Variants in NELL1 observed in about 807,000 individuals in gnomAD.
The protein encoded by NELL1 is protein kinase C-binding protein NELL1.
A neutral mutation model predicts 107.4 loss-of-function variants in NELL1; 76 were observed. The observed-to-expected ratio is 0.71, with a 90% CI of 0.59 to 0.86. The LOEUF (loss-of-function observed/expected upper bound fraction) is 0.86, where lower values mean the gene tolerates loss of function less well. Among genes scored for constraint, NELL1 ranks in the 40% least tolerant of loss-of-function variants. The pLI is 0.00. For synonymous variants in NELL1, 353 were observed against 341.2 expected, an observed-to-expected ratio of 1.03 and a Z score of -0.38; for missense variants, 1,024 against 1,005.5, an observed-to-expected ratio of 1.02 and a Z score of -0.25.
At chr11:21,514,359 T>C (rs747040691) in intron 15 of NELL1, among the ~76,000 whole-genome samples, 27 of 152,304 alleles carry the variant, frequency 1.8e-4, no homozygotes, top group Non-Finnish European at 3.4e-4. Flanking sequence ...ATGTTAGAGG[T>C]GTGCCAGCCA....
intron 12 of NELL1, among the ~76,000 whole-genome samples, chr11:21,031,297 G>C (rs1280829244): frequency 1.3e-5 from 2 of 152,090 alleles, no homozygotes; most frequent in South Asian, 2.1e-4. Context: ...TTAAATCCCT[G>C]ACTGTTCCCT....
chr11:21,156,745 C>T (rs1460764869), intron 13 of NELL1, among the ~76,000 whole-genome samples: 1 of 152,010 alleles, frequency 6.6e-6, no homozygotes, highest in African/African-American at 2.4e-5. Context: ...ACATTGAAAT[C>T]GTTTAGTATA....
At chr11:21,272,227 C>T (rs1848754591) in intron 14 of NELL1, among the ~76,000 whole-genome samples, 2 of 152,232 alleles carry the variant, frequency 1.3e-5, no homozygotes, top group South Asian at 4.1e-4. Flanking sequence ...TTCCAACAGT[C>T]TTAGCAAATG....
At chr11:21,002,228 A>G (rs1321656470) in intron 12 of NELL1, among the ~76,000 whole-genome samples, 1 of 152,204 alleles carries the variant, frequency 6.6e-6, no homozygotes, top group Non-Finnish European at 1.5e-5. Flanking sequence ...AGGAGAATCT[A>G]CATATCGAAG....
chr11:21,494,764 T>A (rs542177073), intron 15 of NELL1, among the ~76,000 whole-genome samples: 1 of 152,044 alleles, frequency 6.6e-6, no homozygotes, highest in African/African-American at 2.4e-5. Flanking sequence ...TTATACAGTA[T>A]TGTAAACAAA....
intron 15 of NELL1, among the ~76,000 whole-genome samples, chr11:21,429,728 G>C (rs1852920294): frequency 6.6e-6 from 1 of 152,108 alleles, no homozygotes; most frequent in South Asian, 2.1e-4. Context: ...ATATTTACAG[G>C]TTAAAAGAGG....
At chr11:20,863,059 T>C (rs1207942698) in intron 4 of NELL1, among the ~76,000 whole-genome samples, 2 of 152,318 alleles carry the variant, frequency 1.3e-5, no homozygotes, top group East Asian at 3.9e-4. Context: ...TTCCCCCTTT[T>C]CTATTTCACA....
In NELL1 at chr11:21,068,032, C is replaced by CAAAAAAAAA. The variant is rs1195285619; in HGVS notation, c.1301-45538_1301-45530dup. ...TGGGCAACAGAGTGAGATGCCATCT[C>CAAAAAAAAA]AAAAAAAAAAAAAAAAAAAAAAAAA... On this transcript the variant is annotated intron_variant, in intron 12 of 19. Transcript: ENST00000357134. Among the ~76,000 whole-genome samples the CAAAAAAAAA allele has an allele frequency of 4.3e-3, 175 of 40,372 alleles. 26 individuals are homozygous for CAAAAAAAAA. The highest frequency in any genetic ancestry group is 5.8e-3 in the African/African-American group (56 of 9,608). The allele number at this position is 40,372 out of a possible 152,430, so 26.5% of individuals were successfully genotyped here. A position where few individuals can be genotyped will look rare whatever the true frequency, so the allele number is the denominator to read the frequency against.
intron 14 of NELL1, among the ~76,000 whole-genome samples, chr11:21,346,799 C>T (rs1353648767): frequency 6.6e-6 from 1 of 151,816 alleles, no homozygotes; most frequent in Non-Finnish European, 1.5e-5. Context: ...TGCTAAAATG[C>T]CTTGCTCTCT....
At chr11:20,935,943 G>A (rs563346194) in intron 9 of NELL1, among the ~76,000 whole-genome samples, 1 of 152,166 alleles carries the variant, frequency 6.6e-6, no homozygotes, top group East Asian at 1.9e-4. Context: ...TTCACTGAGA[G>A]GAGAATACAG....
chr11:21,190,703 G>A (rs141618952), intron 13 of NELL1, among the ~76,000 whole-genome samples: 2 of 151,960 alleles, frequency 1.3e-5, no homozygotes, highest in East Asian at 3.9e-4. Flanking sequence ...ATCAGTATAT[G>A]ACAACCCTAA....
chr11:21,469,147 A>T (rs1040994442), intron 15 of NELL1, among the ~76,000 whole-genome samples: 1 of 152,034 alleles, frequency 6.6e-6, no homozygotes, highest in Admixed American at 6.6e-5. Flanking sequence ...AAATATGAAA[A>T]TTTCAGGGGC....
At chr11:21,043,195 TA>T (rs1222938612) in intron 12 of NELL1, among the ~76,000 whole-genome samples, 1 of 152,186 alleles carries the variant, frequency 6.6e-6, no homozygotes, top group Non-Finnish European at 1.5e-5. Flanking sequence ...TCACCAACTT[TA>T]AAAGTATTTA....
intron 13 of NELL1, among the ~76,000 whole-genome samples, chr11:21,226,641 G>A (rs1425286094): frequency 1.3e-5 from 2 of 152,086 alleles, no homozygotes; most frequent in African/African-American, 4.8e-5. Context: ...GAAGGTTGTG[G>A]AAAATATGCT....
At chr11:20,711,486 A>G (rs1192649417) in intron 2 of NELL1, among the ~76,000 whole-genome samples, 1 of 151,952 alleles carries the variant, frequency 6.6e-6, no homozygotes, top group Non-Finnish European at 1.5e-5. Context: ...TGTGAGATTT[A>G]TGTTTCACGG....
At chr11:21,397,117 T>C (rs1222029284) in intron 15 of NELL1, among the ~76,000 whole-genome samples, 2 of 151,728 alleles carry the variant, frequency 1.3e-5, no homozygotes, top group East Asian at 3.9e-4. Context: ...TATCACTTTC[T>C]TTACAAAAAG....
At chr11:20,836,442 T>G (rs1848536192) in intron 3 of NELL1, among the ~76,000 whole-genome samples, 1 of 152,166 alleles carries the variant, frequency 6.6e-6, no homozygotes, top group African/African-American at 2.4e-5. Context: ...GGAATTGCAC[T>G]TCTAGGTATT....
At chr11:21,100,417 A>C (rs1012352545) in intron 12 of NELL1, among the ~76,000 whole-genome samples, 4 of 152,180 alleles carry the variant, frequency 2.6e-5, no homozygotes, top group African/African-American at 9.7e-5. Flanking sequence ...TTATCACTGG[A>C]TACAGAAACT....
At chr11:21,485,238 C>T (rs1018116353) in intron 15 of NELL1, among the ~76,000 whole-genome samples, 2 of 152,100 alleles carry the variant, frequency 1.3e-5, no homozygotes, top group African/African-American at 4.8e-5. Flanking sequence ...AGAGCTCAGC[C>T]CTCAAAGACT....
Sources: allele counts gnomAD v4.1 joint callset (sites outside exome capture counted in the v4.1 genomes callset), GRCh38; gene constraint gnomAD v4.1.1; transcripts MANE v1.5; gene names NCBI Gene and HGNC (gene_info 2026-07-23, HGNC 2026-07-21).